DARS1: variants seen among roughly 807,000 people sequenced by gnomAD.
DARS1 encodes aspartyl-tRNA synthetase 1.
In DARS1, 51 loss-of-function variants were observed where a neutral mutation model predicts 68.8. The ratio of observed to expected loss-of-function variants is 0.74; its 90% CI spans 0.59 to 0.94. DARS1 has a LOEUF of 0.94. DARS1 is among the 40% of genes least tolerant of loss of function. DARS1 has a pLI of 0.00. For synonymous variants in DARS1, 203 were observed against 190.4 expected (o/e 1.07, Z -0.55); for missense variants, 607 against 597.3 (o/e 1.02, Z -0.17).
intron 3 of DARS1, among the ~76,000 whole-genome samples, chr2:135,970,768 A>C (rs1354354989): frequency 6.6e-6 from 1 of 152,156 alleles, no homozygotes; most frequent in African/African-American, 2.4e-5. Context: ...ATGAAAAAGG[A>C]GACATTACAA....
intron 7 of DARS1, among the ~76,000 whole-genome samples, chr2:135,925,542 G>C (rs1010761294): frequency 6.6e-6 from 1 of 152,118 alleles, no homozygotes; most frequent in African/African-American, 2.4e-5. Context: ...AAATAATCTT[G>C]AATTTCTGCA....
intron 10 of DARS1, 134 bp downstream of exon 10, chr2:135,920,319 A>T: frequency 7.5e-7 from 1 of 1,331,222 alleles, no homozygotes; most frequent in Non-Finnish European, 9.8e-7. Context: ...AATTAAATGG[A>T]TCATCTAACT....
intron 1 of DARS1, 152 bp from the exon 2 acceptor site, chr2:135,983,606 C>T: frequency 3.7e-6 from 2 of 543,342 alleles, no homozygotes; most frequent in Non-Finnish European, 6.4e-6. Flanking sequence ...ATGTGGAAAT[C>T]TCTCATTCAT....
At chr2:135,917,120 AT>A (rs1200330090) in intron 10 of DARS1, among the ~76,000 whole-genome samples, 17 of 152,162 alleles carry the variant, frequency 1.1e-4, no homozygotes, top group Non-Finnish European at 2.1e-4. Flanking sequence ...AAGATCGGCC[AT>A]TGCCCTCCAG....
chr2:135,964,772 C>T (rs1419274276), intron 3 of DARS1, among the ~76,000 whole-genome samples: 8 of 132,566 alleles, frequency 6.0e-5, no homozygotes, highest in Middle Eastern at 5.1e-3. Context: ...ACCCAGCAGG[C>T]GGAGGTTGCA....
At chr2:135,926,075 G>A (rs1681205735) in intron 7 of DARS1, among the ~76,000 whole-genome samples, 1 of 152,132 alleles carries the variant, frequency 6.6e-6, no homozygotes. Context: ...ATTTTTAGTA[G>A]AGACCGGGTT....
chr2:135,978,713 G>C (rs1682555174), intron 3 of DARS1, among the ~76,000 whole-genome samples: 1 of 152,148 alleles, frequency 6.6e-6, no homozygotes, highest in Admixed American at 6.5e-5. Context: ...TTCTGTATTT[G>C]TGCTGTCTGT....
In DARS1 at chr2:135,916,256, C is replaced by T. The variant is rs374983029; in HGVS notation, c.1076G>A (p.Gly359Glu). Residue 359 changes from glycine (G) to glutamate (E), a missense_variant, in exon 11 of 16, where the codon GGA becomes GAA. Physicochemically the swap from Gly to Glu is moderately conservative, Grantham distance 98. Transcript: ENST00000264161. Reference sequence around the variant, plus strand: ...ATCGTCTTCATCTCCCATTTCGACTCCAGCTTCCCTAAGCATAGCCAATGC... The same window carrying T: ...ATCGTCTTCATCTCCCATTTCGACTTCAGCTTCCCTAAGCATAGCCAATGC... Reference protein sequence around the residue: ...CEALAMLREAGVEMGDEDDLS... With the variant: ...CEALAMLREAEVEMGDEDDLS... The T allele has an allele frequency of 1.8e-5, 29 of 1,598,820 alleles. No individual in the cohort carries two copies. The highest frequency in any genetic ancestry group is 2.2e-5 in the Non-Finnish European group (26 of 1,166,370).
chr2:135,985,220 C>G (rs1279799174), intron 1 of DARS1, 183 bp downstream of exon 1: 3 of 953,302 alleles, frequency 3.1e-6, no homozygotes, highest in South Asian at 2.2e-5. Context: ...GCAAGAAACG[C>G]GGTCCGGAGA....
chr2:135,952,289 T>C (rs180984149), intron 4 of DARS1, among the ~76,000 whole-genome samples: 117 of 152,258 alleles, frequency 7.7e-4, no homozygotes, highest in African/African-American at 1.1e-3. Flanking sequence ...TTTTTTTAAA[T>C]TGACACATAA....
In DARS1 at chr2:135,980,928, C is replaced by T. The variant is rs1167525474; in HGVS notation, c.125-1562G>A. Among the ~76,000 whole-genome samples, 5 of 152,278 alleles carry T rather than the reference C, an allele frequency of 3.3e-5. No individual in the cohort carries two copies. The East Asian group carries it at 9.6e-4, about 29-fold the overall frequency. On this transcript the variant is annotated intron_variant, in intron 2 of 15. Coordinates refer to ENST00000264161, the MANE Select transcript of DARS1 (RefSeq NM_001349.4). ...AACCTTTAATACACCCGAACATACC[C>T]GAAGCCCATGCCATACTCACATCAC...
intron 1 of DARS1, among the ~76,000 whole-genome samples, chr2:135,984,319 AAAT>A: frequency 6.6e-6 from 1 of 152,346 alleles, no homozygotes; most frequent in East Asian, 1.9e-4. Flanking sequence ...GAGTACACAA[AAAT>A]AATTGCCCTA....
chr2:135,946,609 A>T (rs1681728690), intron 4 of DARS1, among the ~76,000 whole-genome samples: 1 of 152,190 alleles, frequency 6.6e-6, no homozygotes. Context: ...AAGAATCATA[A>T]ACCCTGAGAA....
chr2:135,966,958 T>G (rs1425001526), intron 3 of DARS1, among the ~76,000 whole-genome samples: 1 of 152,228 alleles, frequency 6.6e-6, no homozygotes, highest in African/African-American at 2.4e-5. Flanking sequence ...TCAGAAATTT[T>G]TTATCGTGAA....
intron 3 of DARS1, among the ~76,000 whole-genome samples, chr2:135,975,548 C>T (rs1682478091): frequency 1.3e-5 from 2 of 151,912 alleles, no homozygotes; most frequent in Admixed American, 1.3e-4. Flanking sequence ...AATCCCAGCA[C>T]TTTGGGAGGT....
chr2:135,958,389 C>T (rs997337731), intron 4 of DARS1, among the ~76,000 whole-genome samples: 1 of 152,064 alleles, frequency 6.6e-6, no homozygotes, highest in Non-Finnish European at 1.5e-5. Flanking sequence ...ACAATTTTAG[C>T]GCATACCCAT....
rs200959160 is a variant in DARS1, at chr2:135,960,689, G to GA, written c.320+706dup. On this transcript the variant is annotated intron_variant, in intron 4 of 15. Coordinates refer to ENST00000264161, the MANE Select transcript of DARS1 (RefSeq NM_001349.4). ...ATGGAAATAAAATTCTGATGAAATT[G>GA]AAAAAAAACATGAAACAAAATTAGC... Among the ~76,000 whole-genome samples the GA allele has an allele frequency of 4.2e-3, 638 of 151,650 alleles. 3 individuals are homozygous for GA. Among genetic ancestry groups the GA allele is most frequent in the African/African-American group, 0.013 (558 of 41,338 alleles).
chr2:135,927,675 A>G (rs1681250865), intron 7 of DARS1, among the ~76,000 whole-genome samples: 1 of 152,144 alleles, frequency 6.6e-6, no homozygotes, highest in Non-Finnish European at 1.5e-5. Flanking sequence ...AGAGGGCATG[A>G]GGTAGAAGAT....
Position 135,985,523 on chromosome 2 carries a change from C to G in DARS1, c.-55G>C. The G allele has an allele frequency of 6.2e-7, 1 of 1,613,342 alleles. No homozygotes were observed. The highest frequency in any genetic ancestry group is 8.5e-7 in the Non-Finnish European group (1 of 1,179,724). ...CCCTCCCTCGCAGGCTTCCGTAAGG[C>G]AGGCCAAAGGGGCTTCTCCCTCCCT... is the stretch of plus-strand genomic sequence containing the variant. On this transcript the variant is annotated 5_prime_UTR_variant, in exon 1 of 16. Transcript: ENST00000264161.
Sources: gnomAD v4.1 joint callset for allele counts (sites outside exome capture counted in the v4.1 genomes callset) on GRCh38, gnomAD v4.1.1 for gene constraint, MANE v1.5 for transcripts, NCBI Gene and HGNC (gene_info 2026-07-23, HGNC 2026-07-21) for gene names.